Variants in EYS observed in about 807,000 individuals in gnomAD.
EYS encodes the protein EGF-like photoreceptor maintenance factor.
Under a neutral mutation model 282.1 loss-of-function variants are expected in EYS, and 250 were observed. That is an observed-to-expected ratio of 0.89 (90% CI 0.80 to 0.98). The LOEUF (loss-of-function observed/expected upper bound fraction) is 0.98. Ranked by LOEUF, EYS falls within the 50% of genes least tolerant of loss-of-function variation. The probability of loss-of-function intolerance (pLI) is 0.00; values close to 1 mark genes in which losing one functional copy is unlikely to be tolerated. For synonymous variants in EYS, 1,355 were observed against 1,282.9 expected, an observed-to-expected ratio of 1.06 and a Z score of -1.20; for missense variants, 4,016 against 3,709.0, an observed-to-expected ratio of 1.08 and a Z score of -2.15.
At chr6:65,601,994 T>C (rs1765631984) in intron 2 of EYS, among the ~76,000 whole-genome samples, 1 of 151,954 alleles carries the variant, frequency 6.6e-6, no homozygotes, top group South Asian at 2.1e-4. Context: ...TTACAGCCTA[T>C]GTAACAAAGC....
chr6:64,350,004 A>G (rs1011916386), intron 29 of EYS, among the ~76,000 whole-genome samples: 7 of 151,486 alleles, frequency 4.6e-5, no homozygotes, highest in Admixed American at 4.6e-4. Context: ...AAATGTGTTT[A>G]GAAATAAAGG....
chr6:65,289,899 G>A (rs7752877), intron 12 of EYS, among the ~76,000 whole-genome samples: 102,229 of 150,786 alleles, frequency 0.68, 35,104 homozygotes, highest in East Asian at 0.94. Context: ...TAGTAATCAT[G>A]TTCTTTATTA....
chr6:64,323,812 G>A (rs1770306072), intron 29 of EYS, among the ~76,000 whole-genome samples: 1 of 152,054 alleles, frequency 6.6e-6, no homozygotes, highest in Non-Finnish European at 1.5e-5. Context: ...TATGGAGTGT[G>A]CAGTAGATGC....
At chr6:64,860,046 C>A (rs1284545047) in intron 19 of EYS, among the ~76,000 whole-genome samples, 18 of 152,174 alleles carry the variant, frequency 1.2e-4, no homozygotes, top group African/African-American at 4.1e-4. Context: ...TTGTTTCTTA[C>A]TTTTAAAAAA....
At chr6:65,453,294 T>C (rs919205117) in intron 5 of EYS, among the ~76,000 whole-genome samples, 8 of 152,056 alleles carry the variant, frequency 5.3e-5, no homozygotes, top group Middle Eastern at 3.2e-3. Flanking sequence ...TGGCATTTTA[T>C]TCCAAATTCT....
At chr6:64,350,829 T>C (rs527263946) in intron 29 of EYS, among the ~76,000 whole-genome samples, 1 of 151,628 alleles carries the variant, frequency 6.6e-6, no homozygotes, top group Admixed American at 6.6e-5. Flanking sequence ...CAACGTGTTG[T>C]GGGAGGGACC....
chr6:64,193,334 G>A (rs951038795), intron 31 of EYS, among the ~76,000 whole-genome samples: 6 of 150,604 alleles, frequency 4.0e-5, no homozygotes, highest in African/African-American at 1.2e-4. Flanking sequence ...TTTTGGAAAC[G>A]GAGTCTCCCT....
At chr6:65,564,768 T>C (rs918154221) in intron 2 of EYS, among the ~76,000 whole-genome samples, 1 of 151,888 alleles carries the variant, frequency 6.6e-6, no homozygotes, top group African/African-American at 2.4e-5. Context: ...AAAGCCAAAA[T>C]TGACAAATGG....
At chr6:64,137,458 C>T (rs1774200088) in intron 31 of EYS, among the ~76,000 whole-genome samples, 1 of 152,134 alleles carries the variant, frequency 6.6e-6, no homozygotes. Context: ...ACATGCCTTC[C>T]TCACGATGCT....
intron 22 of EYS, among the ~76,000 whole-genome samples, chr6:64,812,863 A>G (rs1016192098): frequency 1.3e-5 from 2 of 152,066 alleles, no homozygotes; most frequent in African/African-American, 4.8e-5. Flanking sequence ...AACAAAGGAA[A>G]AAAATTCATC....
intron 35 of EYS, among the ~76,000 whole-genome samples, chr6:63,977,579 G>A (rs978134162): frequency 2.6e-5 from 4 of 151,928 alleles, no homozygotes; most frequent in African/African-American, 9.7e-5. Flanking sequence ...TGGGTGAGGG[G>A]ATGTCAGCAG....
At chr6:64,998,055 TA>T (rs1771333346) in intron 13 of EYS, among the ~76,000 whole-genome samples, 1 of 152,216 alleles carries the variant, frequency 6.6e-6, no homozygotes, top group Non-Finnish European at 1.5e-5. Flanking sequence ...TTGTATCATT[TA>T]ATTTTCCCAA....
intron 14 of EYS, among the ~76,000 whole-genome samples, chr6:64,971,684 A>G (rs1378223040): frequency 6.6e-6 from 1 of 152,098 alleles, no homozygotes; most frequent in Non-Finnish European, 1.5e-5. Flanking sequence ...AAAGTGCTCT[A>G]TTTGTTCTTA....
chr6:64,776,813 A>G (rs1418838872), intron 22 of EYS, among the ~76,000 whole-genome samples: 1 of 152,154 alleles, frequency 6.6e-6, no homozygotes, highest in Non-Finnish European at 1.5e-5. Flanking sequence ...CCTATGCTTC[A>G]TTAGCTTACT....
Position 64,320,774 on chromosome 6 carries a change from C to T in EYS, c.6079-13692G>A, listed in dbSNP as rs192346942. On this transcript the variant is annotated intron_variant, in intron 29 of 42. Coordinates refer to ENST00000503581, the MANE Select transcript of EYS (RefSeq NM_001142800.2). ...TTGAATTTTGGACATTGTATTATTA[C>T]TTTATTTTGTATTCTTCCAGATTTT... Among the ~76,000 whole-genome samples, 824 of 151,724 alleles carry T rather than the reference C, an allele frequency of 5.4e-3. 10 individuals are homozygous for T. The highest frequency in any genetic ancestry group is 0.025 in the East Asian group (128 of 5,178).
chr6:65,000,942 C>T (rs1008062646), intron 13 of EYS, among the ~76,000 whole-genome samples: 2 of 152,218 alleles, frequency 1.3e-5, no homozygotes, highest in African/African-American at 4.8e-5. Context: ...TCTCGCAGGA[C>T]ATGCGACAGG....
At chr6:65,391,064 A>T (rs1256660657) in intron 7 of EYS, among the ~76,000 whole-genome samples, 4 of 152,080 alleles carry the variant, frequency 2.6e-5, no homozygotes, top group Non-Finnish European at 5.9e-5. Context: ...AGACTTAAAG[A>T]TTTCATGATG....
intron 12 of EYS, among the ~76,000 whole-genome samples, chr6:65,176,106 T>G (rs1178001631): frequency 2.0e-5 from 3 of 151,506 alleles, no homozygotes; most frequent in Admixed American, 6.6e-5. Flanking sequence ...GCACTTATGA[T>G]CTATTTTCTT....
intron 29 of EYS, among the ~76,000 whole-genome samples, chr6:64,329,566 C>T (rs1283156136): frequency 6.6e-6 from 1 of 151,952 alleles, no homozygotes; most frequent in African/African-American, 2.4e-5. Context: ...GAAGACAATC[C>T]CCCGGGGCTA....
Sources: allele counts gnomAD v4.1 joint callset (sites outside exome capture counted in the v4.1 genomes callset), GRCh38; gene constraint gnomAD v4.1.1; transcripts MANE v1.5; gene names NCBI Gene and HGNC (gene_info 2026-07-23, HGNC 2026-07-21).